Variants in ELMO1 observed in about 807,000 individuals in gnomAD.
ELMO1 encodes engulfment and cell motility protein 1.
Under a neutral mutation model 98.9 loss-of-function variants are expected in ELMO1, and 26 were observed. The ratio of observed to expected loss-of-function variants is 0.26; its 90% confidence interval spans 0.19 to 0.36. The LOEUF is 0.36. ELMO1 is among the 10% of genes least tolerant of loss of function. The pLI is 1.00. For synonymous variants in ELMO1, 346 were observed against 346.0 expected (o/e 1.00, Z 0.00); for missense variants, 627 against 935.2 (o/e 0.67, Z 4.30).
At chr7:36,874,641 T>A (rs1244429584) in intron 19 of ELMO1, among the ~76,000 whole-genome samples, 1 of 152,212 alleles carries the variant, frequency 6.6e-6, no homozygotes, top group Admixed American at 6.5e-5. Flanking sequence ...GCAGGCTTCA[T>A]CTCCACATGG....
intron 13 of ELMO1, among the ~76,000 whole-genome samples, chr7:37,148,206 G>A (rs1408955354): frequency 6.6e-6 from 1 of 152,156 alleles, no homozygotes; most frequent in African/African-American, 2.4e-5. Context: ...TTCATCCAAA[G>A]ATGTGTTTAA....
chr7:37,120,015 G>A (rs1785896062), intron 14 of ELMO1, among the ~76,000 whole-genome samples: 1 of 152,188 alleles, frequency 6.6e-6, no homozygotes, highest in Non-Finnish European at 1.5e-5. Flanking sequence ...AGATATGTAA[G>A]GAACAAACAG....
chr7:37,448,210 G>T (rs1275910069), intron 1 of ELMO1, among the ~76,000 whole-genome samples: 1 of 151,494 alleles, frequency 6.6e-6, no homozygotes, highest in East Asian at 2.0e-4. Context: ...AGCCGCAGCC[G>T]CTTCTCTAGC....
intron 15 of ELMO1, among the ~76,000 whole-genome samples, chr7:37,094,610 G>C (rs532473544): frequency 6.6e-6 from 1 of 152,212 alleles, no homozygotes; most frequent in East Asian, 1.9e-4. Context: ...GCCCACATCA[G>C]GGTCATGTTT....
intron 16 of ELMO1, among the ~76,000 whole-genome samples, chr7:36,930,187 G>A (rs903800018): frequency 1.3e-5 from 2 of 152,228 alleles, no homozygotes; most frequent in African/African-American, 4.8e-5. Flanking sequence ...CTATTTGCCA[G>A]GGAATACTTA....
intron 14 of ELMO1, among the ~76,000 whole-genome samples, chr7:37,105,783 T>C (rs1054035321): frequency 1.3e-5 from 2 of 152,256 alleles, no homozygotes; most frequent in Non-Finnish European, 2.9e-5. Flanking sequence ...TGGTTTGTTT[T>C]GTTTTTCCTG....
chr7:37,448,154 G>A (rs1328459889), intron 1 of ELMO1, among the ~76,000 whole-genome samples: 3 of 151,024 alleles, frequency 2.0e-5, no homozygotes, highest in Non-Finnish European at 4.4e-5. Context: ...GCGCTCGCCG[G>A]GGGATTCCCT....
Position 37,259,318 on chromosome 7 carries a change from G to T in ELMO1, c.276C>A (p.Ile92=). ...GCTTGGCATCCATACTCGAGGACTG[G>T]ATTCGTTCATGGAGCTGCTGGGCGT... ...AQNAQQLHER[I]QSSSMDAKLE... is the part of the protein sequence containing the mutation. The change falls in exon 6 of 22, where the codon ATC becomes ATA. Residue 92 remains isoleucine (I), a synonymous_variant. Coordinates refer to ENST00000310758, the MANE Select transcript of ELMO1 (RefSeq NM_014800.11). 6.2e-7 allele frequency: 1 copy of T among 1,614,166 alleles called. No individual in the cohort carries two copies.
At chr7:37,167,883 C>T (rs56274811) in intron 13 of ELMO1, among the ~76,000 whole-genome samples, 18,478 of 151,392 alleles carry the variant, frequency 0.12, 1,149 homozygotes, top group Middle Eastern at 0.26. Context: ...TGAATGTTGG[C>T]CTGCCTTGCT....
At chr7:37,309,818 C>T (rs896237859) in intron 4 of ELMO1, among the ~76,000 whole-genome samples, 1 of 152,198 alleles carries the variant, frequency 6.6e-6, no homozygotes, top group African/African-American at 2.4e-5. Flanking sequence ...TTCTCTCTGT[C>T]CATCTCCTTT....
At chr7:37,198,315 G>A (rs1234725948) in intron 13 of ELMO1, among the ~76,000 whole-genome samples, 1 of 152,164 alleles carries the variant, frequency 6.6e-6, no homozygotes, top group African/African-American at 2.4e-5. Context: ...AATGTCCCCA[G>A]TCATCTGGGT....
At chr7:37,332,340 C>T (rs1800176819) in intron 2 of ELMO1, among the ~76,000 whole-genome samples, 2 of 152,166 alleles carry the variant, frequency 1.3e-5, no homozygotes, top group Admixed American at 1.3e-4. Context: ...CACTTATTTC[C>T]TTTACTCAAC....
At position 37,375,960 on chromosome 7, in the gene ELMO1, G is replaced by A. The variant is rs1370466805; in HGVS notation, c.-73-33197C>T. On this transcript the variant is annotated intron_variant, in intron 1 of 21. Coordinates refer to ENST00000310758, the MANE Select transcript of ELMO1 (RefSeq NM_014800.11). Reference sequence around the variant, plus strand: ...ACAAGAAAGTAGAGGCTGGGGCTGGGTCAGCAACTGAATTCCAGTTTAGAG... The same window carrying A: ...ACAAGAAAGTAGAGGCTGGGGCTGGATCAGCAACTGAATTCCAGTTTAGAG... The A allele has an allele frequency of 5.0e-6, 3 of 602,456 alleles. No homozygotes were observed. The African/African-American group carries it at 5.5e-5, about 11-fold the overall frequency. The allele number at this position is 602,456 out of a possible 1,614,324, so 37.3% of individuals were successfully genotyped here.
intron 10 of ELMO1, 46 bp from the exon 11 acceptor site, chr7:37,216,741 T>C: frequency 1.2e-6 from 2 of 1,611,856 alleles, no homozygotes; most frequent in East Asian, 4.5e-5. Flanking sequence ...GTTAGAAAGC[T>C]ACATTTCGAC....
chr7:37,049,288 AG>A (rs952813452), intron 15 of ELMO1, among the ~76,000 whole-genome samples: 1 of 152,128 alleles, frequency 6.6e-6, no homozygotes, highest in Non-Finnish European at 1.5e-5. Context: ...CTTTCCCCAA[AG>A]GGCCCCTGGT....
At chr7:37,275,174 G>A (rs1233329491) in intron 4 of ELMO1, among the ~76,000 whole-genome samples, 4 of 152,164 alleles carry the variant, frequency 2.6e-5, no homozygotes, top group East Asian at 1.9e-4. Flanking sequence ...TTCATCAGTC[G>A]CTCAACATAC....
intron 5 of ELMO1, among the ~76,000 whole-genome samples, chr7:37,266,514 T>C (rs1796247028): frequency 6.6e-6 from 1 of 152,024 alleles, no homozygotes; most frequent in African/African-American, 2.4e-5. Context: ...CTATAATACA[T>C]CCACACAGGC....
chr7:36,953,901 G>A (rs1381768736), intron 16 of ELMO1, among the ~76,000 whole-genome samples: 1 of 145,448 alleles, frequency 6.9e-6, no homozygotes, highest in Non-Finnish European at 1.5e-5. Flanking sequence ...GTGTGTATTA[G>A]TCATTTCAGT....
At chr7:37,055,397 GACAA>G (rs1048613646) in intron 15 of ELMO1, among the ~76,000 whole-genome samples, 2 of 152,182 alleles carry the variant, frequency 1.3e-5, no homozygotes, top group Non-Finnish European at 2.9e-5. Flanking sequence ...TACAGCAGGA[GACAA>G]ACAAAGACTC....
Sources: gnomAD v4.1 joint callset for allele counts (sites outside exome capture counted in the v4.1 genomes callset) on GRCh38, gnomAD v4.1.1 for gene constraint, MANE v1.5 for transcripts, NCBI Gene and HGNC (gene_info 2026-07-23, HGNC 2026-07-21) for gene names.